PDE3A: variants seen among roughly 807,000 people sequenced by gnomAD.
PDE3A encodes the protein phosphodiesterase 3A, also known as cGMP-inhibited 3',5'-cyclic phosphodiesterase 3A.
PDE3A carries 43 observed loss-of-function variants against 98.3 expected under a neutral mutation model. The observed-to-expected ratio is 0.44, with a 90% CI of 0.34 to 0.56. The LOEUF (loss-of-function observed/expected upper bound fraction) is 0.56, where lower values mean the gene tolerates loss of function less well. Among genes scored for constraint, PDE3A ranks in the 20% least tolerant of loss-of-function variants. The pLI is 0.01. For synonymous variants in PDE3A, 663 were observed against 567.9 expected, an observed-to-expected ratio of 1.17 and a Z score of -2.38; for missense variants, 1,427 against 1,440.7, an observed-to-expected ratio of 0.99 and a Z score of 0.15.
At chr12:20,488,455 GT>G (rs1945770045) in intron 1 of PDE3A, among the ~76,000 whole-genome samples, 1 of 152,038 alleles carries the variant, frequency 6.6e-6, no homozygotes, top group African/African-American at 2.4e-5. Context: ...ATTTAACTTT[GT>G]TTTGGTTTTC....
rs1374927304 is a variant in PDE3A, at chr12:20,634,993, G to A, written c.1938G>A (p.Leu646=). The change falls in exon 8 of 16, where the codon CTG becomes CTA. Residue 646 remains leucine (L), a synonymous_variant. Coordinates refer to ENST00000359062, the MANE Select transcript of PDE3A (RefSeq NM_000921.5). ...AGAATGAAGATGAAACAGAGTGCCTGAGAGAGCCTCTGAGGAAAGCATCGG... is the reference window on the plus strand; with the variant it reads ...AGAATGAAGATGAAACAGAGTGCCTAAGAGAGCCTCTGAGGAAAGCATCGG... ...IVQNEDETEC[L]REPLRKASAC... is the part of the protein sequence containing the mutation. 4.3e-6 allele frequency: 7 copies of A among 1,612,620 alleles called. No homozygotes were observed. The highest frequency in any genetic ancestry group is 1.6e-4 in the Middle Eastern group (1 of 6,080).
At chr12:20,481,889 C>G (rs559871864) in intron 1 of PDE3A, among the ~76,000 whole-genome samples, 1 of 149,608 alleles carries the variant, frequency 6.7e-6, no homozygotes, top group Non-Finnish European at 1.5e-5. Flanking sequence ...CTCAGCCTCC[C>G]GAGTAGCTGG....
At chr12:20,647,068 G>A (rs776314058) in intron 12 of PDE3A, 118 bp downstream of exon 12, 49 of 662,528 alleles carry the variant, frequency 7.4e-5, no homozygotes, top group Admixed American at 3.7e-4. Context: ...ATAGTCTTAC[G>A]TTGAAATTCT....
intron 2 of PDE3A, among the ~76,000 whole-genome samples, chr12:20,607,041 G>A (rs1943726865): frequency 6.6e-6 from 1 of 151,954 alleles, no homozygotes; most frequent in Non-Finnish European, 1.5e-5. Context: ...ATATACCAAG[G>A]CCATTAACAA....
intron 15 of PDE3A, among the ~76,000 whole-genome samples, chr12:20,668,387 CT>C (rs1168741464): frequency 2.6e-5 from 4 of 152,228 alleles, no homozygotes; most frequent in African/African-American, 9.6e-5. Flanking sequence ...GGCTCCACCT[CT>C]GGGGGCAGGG....
At chr12:20,521,620 C>T (rs1480137820) in intron 1 of PDE3A, among the ~76,000 whole-genome samples, 3 of 152,138 alleles carry the variant, frequency 2.0e-5, no homozygotes, top group Non-Finnish European at 4.4e-5. Context: ...ATCAAATGCT[C>T]ATGGAAATGT....
chr12:20,640,856 A>G (rs1944629843), intron 10 of PDE3A, among the ~76,000 whole-genome samples: 1 of 151,476 alleles, frequency 6.6e-6, no homozygotes, highest in Admixed American at 6.6e-5. Flanking sequence ...AAAATAATCA[A>G]ACATAATATA....
intron 1 of PDE3A, among the ~76,000 whole-genome samples, chr12:20,485,288 T>C (rs1945706400): frequency 1.3e-5 from 2 of 152,234 alleles, no homozygotes; most frequent in South Asian, 4.1e-4. Context: ...TCTTTTTATA[T>C]GTCTGTCTCT....
chr12:20,423,440 T>C (rs1944553347), intron 1 of PDE3A, among the ~76,000 whole-genome samples: 1 of 152,236 alleles, frequency 6.6e-6, no homozygotes, highest in Non-Finnish European at 1.5e-5. Context: ...ACACTGCATG[T>C]ACAGCTAAGA....
At chr12:20,674,821 G>A (rs1424525364) in intron 15 of PDE3A, among the ~76,000 whole-genome samples, 1 of 151,346 alleles carries the variant, frequency 6.6e-6, no homozygotes. Flanking sequence ...TTTTATTTTT[G>A]GAGGTCTTCT....
At position 20,688,380 on chromosome 12, in the gene PDE3A, T is replaced by C. The variant is rs1178572407; in HGVS notation, c.*8109T>C. 6.6e-6 allele frequency among the ~76,000 whole-genome samples: 1 copy of C among 151,858 alleles called. No individual in the cohort carries two copies. Among genetic ancestry groups the C allele is most frequent in the East Asian group, 1.9e-4 (1 of 5,192 alleles). On this transcript the variant is annotated 3_prime_UTR_variant, in exon 16 of 16. Transcript: ENST00000359062. ...CAGAAAAAAAACTAGATCAATTGTA[T>C]TTATTTTTATTATTTTTTAGCTTAG...
At chr12:20,562,994 G>A (rs1299158239) in intron 2 of PDE3A, among the ~76,000 whole-genome samples, 1 of 152,100 alleles carries the variant, frequency 6.6e-6, no homozygotes, top group Non-Finnish European at 1.5e-5. Context: ...GCCTATTTTG[G>A]AGCAGGTCTT....
intron 1 of PDE3A, among the ~76,000 whole-genome samples, chr12:20,402,526 C>A (rs1339311753): frequency 6.6e-6 from 1 of 152,040 alleles, no homozygotes; most frequent in East Asian, 1.9e-4. Context: ...TTTACTAAGT[C>A]CCACACCATC....
intron 8 of PDE3A, among the ~76,000 whole-genome samples, chr12:20,635,577 C>CAAAAAAA (rs770373365): frequency 8.3e-6 from 1 of 120,298 alleles, no homozygotes. Context: ...GACTCTGTCT[C>CAAAAAAA]AAAAAAAAAA....
rs150023355 is a variant in PDE3A at position 20,667,507 on chromosome 12, C to T, written c.3185-12523C>T. ...TCTGCATGTGAATATCCAATTTTCC[C>T]AGCACCACTTATTAAAAAAGATGTC... On this transcript the variant is annotated intron_variant, in intron 15 of 15. Coordinates refer to ENST00000359062, the MANE Select transcript of PDE3A (RefSeq NM_000921.5). Among the ~76,000 whole-genome samples the T allele has an allele frequency of 2.3e-3, 350 of 152,236 alleles. 3 individuals carry two copies. The highest frequency in any genetic ancestry group is 0.017 in the Admixed American group (260 of 15,296).
At chr12:20,474,939 C>G (rs921958076) in intron 1 of PDE3A, among the ~76,000 whole-genome samples, 1 of 152,012 alleles carries the variant, frequency 6.6e-6, no homozygotes, top group African/African-American at 2.4e-5. Flanking sequence ...ATTATTCATC[C>G]TAACATAGAA....
intron 1 of PDE3A, among the ~76,000 whole-genome samples, chr12:20,486,539 T>C (rs945546507): frequency 7.2e-5 from 11 of 152,232 alleles, no homozygotes; most frequent in African/African-American, 2.7e-4. Flanking sequence ...TCCCAGTGTA[T>C]ATGTTCCTCA....
At chr12:20,468,382 C>G (rs1438964968) in intron 1 of PDE3A, among the ~76,000 whole-genome samples, 1 of 152,170 alleles carries the variant, frequency 6.6e-6, no homozygotes, top group African/African-American at 2.4e-5. Context: ...TTTAACCTCT[C>G]TGAATCTCAT....
intron 2 of PDE3A, among the ~76,000 whole-genome samples, chr12:20,579,505 G>A (rs1157279481): frequency 6.6e-6 from 1 of 151,952 alleles, no homozygotes; most frequent in Non-Finnish European, 1.5e-5. Context: ...CTTACATCCT[G>A]TTGTCCATTC....
Sources: allele counts gnomAD v4.1 joint callset (sites outside exome capture counted in the v4.1 genomes callset), GRCh38; gene constraint gnomAD v4.1.1; transcripts MANE v1.5; gene names NCBI Gene and HGNC (gene_info 2026-07-23, HGNC 2026-07-21).